SLC9A5: variants seen among roughly 807,000 people sequenced by gnomAD.
The protein encoded by SLC9A5 is solute carrier family 9 member A5.
A neutral mutation model predicts 91.7 loss-of-function variants in SLC9A5; 52 were observed. The observed-to-expected ratio is 0.57, with a 90% CI of 0.45 to 0.71. The LOEUF is 0.71. SLC9A5 is among the 30% of genes least tolerant of loss of function. SLC9A5 has a pLI of 0.00. For missense variants in SLC9A5, 871 were observed against 1,158.9 expected (o/e 0.75, Z 3.61); for synonymous variants, 419 against 474.5 (o/e 0.88, Z 1.52).
rs1489715690 is a variant in SLC9A5 at position 67,270,612 on chromosome 16, A to G, written c.2219-126A>G. 1.5e-6 allele frequency: 1 copy of G among 670,546 alleles called. No individual in the cohort carries two copies. Among genetic ancestry groups the G allele is most frequent in the African/African-American group, 1.8e-5 (1 of 55,100 alleles). 41.5% of individuals were successfully genotyped at this position (670,546 alleles called of 1,614,324 possible). A position where few individuals can be genotyped will look rare whatever the true frequency, so the allele number is the denominator to read the frequency against. On this transcript the variant is annotated intron_variant, in intron 15 of 15. Coordinates refer to ENST00000299798, the MANE Select transcript of SLC9A5 (RefSeq NM_004594.3). This position sits in a 1 kb window ranked among gnomAD's most constrained non-coding sequence, Gnocchi z 4.3. ...AGCTGTGGTACTTCGCCTCAGCAAGACATTCATCCGATAATCGCAAAAATG... is the reference window on the plus strand; with the variant it reads ...AGCTGTGGTACTTCGCCTCAGCAAGGCATTCATCCGATAATCGCAAAAATG...
intron 13 of SLC9A5, 69 bp from the exon 14 acceptor site, chr16:67,264,971 C>T: frequency 6.6e-7 from 1 of 1,513,554 alleles, no homozygotes; most frequent in Non-Finnish European, 9.2e-7. Context: ...TCCTGTTGAC[C>T]CCACCAGATG....
rs1061356 is a variant in SLC9A5 at position 67,271,012 on chromosome 16, A to G, written c.2493A>G (p.Leu831=). ...GTEEPQVPLH[L]PSDPRSSFAF... is the part of the protein sequence containing the mutation. ...AAGAGCCCCAGGTCCCTCTCCACCT[A>G]CCTTCTGATCCACGCTCTAGCTTCG... The change falls in exon 16 of 16, where the codon CTA becomes CTG. Residue 831 remains leucine, a synonymous_variant. Coordinates refer to ENST00000299798, the MANE Select transcript of SLC9A5 (RefSeq NM_004594.3). 0.052 allele frequency: 83,129 copies of G among 1,613,382 alleles called. 6,430 individuals are homozygous for G. The highest frequency in any genetic ancestry group is 0.36 in the African/African-American group (27,041 of 74,858).
At chr16:67,266,459 C>T (rs2035707684) in intron 15 of SLC9A5, among the ~76,000 whole-genome samples, 1 of 152,182 alleles carries the variant, frequency 6.6e-6, no homozygotes, top group East Asian at 1.9e-4. Context: ...GTGACTTGTC[C>T]AGCATCACAT....
At chr16:67,266,987 A>C (rs2035733741) in intron 15 of SLC9A5, among the ~76,000 whole-genome samples, 2 of 142,424 alleles carry the variant, frequency 1.4e-5, no homozygotes, top group African/African-American at 5.3e-5. Flanking sequence ...ATCATGGCTC[A>C]CTGCAGCCTT....
At chr16:67,268,659 T>A (rs1417401628) in intron 15 of SLC9A5, among the ~76,000 whole-genome samples, 2 of 6,870 alleles carry the variant, frequency 2.9e-4, no homozygotes, top group African/African-American at 1.4e-3. Flanking sequence ...TTTCCCTGAT[T>A]ATATATATAT....
chr16:67,255,995 A>G lies in SLC9A5; in HGVS notation c.911+65A>G. 2 of 1,538,370 alleles carry G rather than the reference A, an allele frequency of 1.3e-6. No individual in the cohort carries two copies. The highest frequency in any genetic ancestry group is 2.3e-5 in the East Asian group (1 of 43,850). ...GGCACTGGAGATGGTTGCCCCTCAT[A>G]GGGACACAGGCAGGAACTTCAGGAG... is the stretch of plus-strand genomic sequence containing the variant. On this transcript the variant is annotated intron_variant, in intron 5 of 15. Coordinates refer to ENST00000299798, the MANE Select transcript of SLC9A5 (RefSeq NM_004594.3). The surrounding 1 kb of genome is among the most constrained non-coding windows in gnomAD (Gnocchi z 4.9).
chr16:67,255,767 G>A lies in SLC9A5; in HGVS notation c.748G>A (p.Val250Ile). Residue 250 changes from valine to isoleucine, a missense_variant, in exon 5 of 16, where the codon GTC becomes ATC. By Grantham distance (29) the Val-to-Ile change is conservative. Around this residue, in one of 3 missense-constraint regions of SLC9A5, gnomAD observed 454 missense variants for 718.3 expected, o/e 0.63. Transcript: ENST00000299798. The surrounding 1 kb of genome is among the most constrained non-coding windows in gnomAD (Gnocchi z 4.9). ...TCCTCCCCCAGCCTCCCTGTTTGTG[G>A]TCAGTCTGGGCGGGGCAGCCGTGGG... is the stretch of plus-strand genomic sequence containing the variant. ...YLKGVASLFV[V>I]SLGGAAVGLV... The A allele has an allele frequency of 3.8e-6, 6 of 1,577,854 alleles. No individual in the cohort carries two copies. The highest frequency in any genetic ancestry group is 5.2e-6 in the Non-Finnish European group (6 of 1,160,590).
chr16:67,268,658 TTATATATATATA>T (rs60054219), intron 15 of SLC9A5, among the ~76,000 whole-genome samples: 794 of 42,246 alleles, frequency 0.019, 42 homozygotes, highest in East Asian at 0.17. Flanking sequence ...ATTTCCCTGA[TTATATATATATA>T]TATATATATA....
rs1366301949 is a variant in SLC9A5 at position 67,270,766 on chromosome 16, A to G, written c.2247A>G (p.Arg749=). ...SGSLEVCPSP[R]IIPPSPTCAE... ...GCCTTGAGGTGTGCCCAAGCCCACG[A>G]ATCATTCCCCCCTCCCCAACCTGTG... Residue 749 remains arginine, a synonymous_variant, in exon 16 of 16, where the codon CGA becomes CGG. Transcript: ENST00000299798. This position sits in a 1 kb window ranked among gnomAD's most constrained non-coding sequence, Gnocchi z 4.3. 1 of 1,612,106 alleles carries G rather than the reference A, an allele frequency of 6.2e-7. No homozygotes were observed. The highest frequency in any genetic ancestry group is 1.1e-5 in the South Asian group (1 of 90,860).
chr16:67,256,030 T>C lies in SLC9A5; in HGVS notation c.911+100T>C. 7.7e-7 allele frequency: 1 copy of C among 1,303,762 alleles called. No homozygotes were observed. The highest frequency in any genetic ancestry group is 1.1e-6 in the Non-Finnish European group (1 of 946,762). 80.8% of individuals were successfully genotyped at this position (1,303,762 alleles called of 1,614,324 possible). On this transcript the variant is annotated intron_variant, in intron 5 of 15. Coordinates refer to ENST00000299798, the MANE Select transcript of SLC9A5 (RefSeq NM_004594.3). The surrounding 1 kb of genome is among the most constrained non-coding windows in gnomAD (Gnocchi z 4.1). The stretch of plus-strand genomic sequence containing the variant: ...GCAGGAACTTCAGGAGTCCATAGGT[T>C]TCCCTGAGCCCTTGTGGTAGTGGGA...
Position 67,259,678 on chromosome 16 carries a change from C to G in SLC9A5, c.1715+17C>G. The G allele has an allele frequency of 6.2e-7, 1 of 1,611,352 alleles. No individual in the cohort carries two copies. Among genetic ancestry groups the G allele is most frequent in the Non-Finnish European group, 8.5e-7 (1 of 1,177,494 alleles). On this transcript the variant is annotated intron_variant, in intron 11 of 15. Coordinates refer to ENST00000299798, the MANE Select transcript of SLC9A5 (RefSeq NM_004594.3). ...CAACCTGCTGTGAGTCCTTGAGCCC[C>G]TTCCCCTTCCTCATACTCCTCTCCA...
Position 67,256,515 on chromosome 16 carries a change from A to G in SLC9A5, c.958A>G (p.Ile320Val), listed in dbSNP as rs767056170. 3.1e-6 allele frequency: 5 copies of G among 1,613,558 alleles called. No homozygotes were observed. The South Asian group carries it at 5.5e-5, about 18-fold the overall frequency. ...LGCKKYVEAN[I>V]SHKSRTTVKY... Reference sequence around the variant, plus strand: ...CTGTAAGAAGTACGTGGAGGCCAACATCTCCCATAAGTCACGCACAACTGT... The same window carrying G: ...CTGTAAGAAGTACGTGGAGGCCAACGTCTCCCATAAGTCACGCACAACTGT... Residue 320 changes from isoleucine to valine, a missense_variant, in exon 6 of 16, where the codon ATC becomes GTC. Ile to Val is a conservative substitution (Grantham distance 29). Around this residue, in one of 3 missense-constraint regions of SLC9A5, gnomAD observed 454 missense variants for 718.3 expected, o/e 0.63. Coordinates refer to ENST00000299798, the MANE Select transcript of SLC9A5 (RefSeq NM_004594.3). The surrounding 1 kb of genome is among the most constrained non-coding windows in gnomAD (Gnocchi z 4.1).
chr16:67,252,505 A>G lies in SLC9A5; in HGVS notation c.188-37A>G, dbSNP rs762260919. ...AGGCCTGTGTGTGGGAGGATATTCC[A>G]TAAACTGATCCATCCTGCACTCTTT... On this transcript the variant is annotated intron_variant, in intron 1 of 15. Transcript: ENST00000299798. This position sits in a 1 kb window ranked among gnomAD's most constrained non-coding sequence, Gnocchi z 4.0. The G allele has an allele frequency of 6.4e-7, 1 of 1,568,872 alleles. No homozygotes were observed. The highest frequency in any genetic ancestry group is 8.7e-7 in the Non-Finnish European group (1 of 1,153,552).
intron 10 of SLC9A5, among the ~76,000 whole-genome samples, chr16:67,259,133 C>T (rs1038012190): frequency 7.9e-5 from 12 of 151,884 alleles, no homozygotes; most frequent in Non-Finnish European, 1.8e-4. Context: ...GTGGTGGGCA[C>T]CTGTAGACCC....
rs1004930632 is a variant in SLC9A5, at chr16:67,258,525, C to T, written c.1626+78C>T. 5.8e-6 allele frequency: 9 copies of T among 1,547,654 alleles called. No homozygotes were observed. Among genetic ancestry groups the T allele is most frequent in the Non-Finnish European group, 5.3e-6 (6 of 1,123,660 alleles). On this transcript the variant is annotated intron_variant, in intron 10 of 15. Coordinates refer to ENST00000299798, the MANE Select transcript of SLC9A5 (RefSeq NM_004594.3). The surrounding 1 kb of genome is among the most constrained non-coding windows in gnomAD (Gnocchi z 4.5). ...GAGCAGGACAGAAAGGGGTGGCAAG[C>T]AGGCTGGCCCTGAGCAGGGAGTTGG...
intron 12 of SLC9A5, 129 bp downstream of exon 12, chr16:67,260,075 G>A: frequency 2.3e-6 from 3 of 1,298,480 alleles, no homozygotes; most frequent in Non-Finnish European, 3.1e-6. Flanking sequence ...TCAGCCGGGT[G>A]CGATGGCTCA....
intron 12 of SLC9A5, chr16:67,262,020 T>G (rs1352768579): frequency 3.1e-6 from 1 of 321,078 alleles, no homozygotes; most frequent in African/African-American, 2.2e-5. Flanking sequence ...ATGTGTAGTC[T>G]GTTTTTTAAA....
In SLC9A5 at chr16:67,256,540, T is replaced by C. The variant is rs755852418; in HGVS notation, c.983T>C (p.Val328Ala). Residue 328 changes from valine (V) to alanine (A), a missense_variant, in exon 6 of 16, where the codon GTC becomes GCC. Physicochemically the swap from Val to Ala is moderately conservative, Grantham distance 64. Around this residue, in one of 3 missense-constraint regions of SLC9A5, gnomAD observed 454 missense variants for 718.3 expected, o/e 0.63. Coordinates refer to ENST00000299798, the MANE Select transcript of SLC9A5 (RefSeq NM_004594.3). The surrounding 1 kb of genome is among the most constrained non-coding windows in gnomAD (Gnocchi z 4.1). ...ANISHKSRTT[V>A]KYTMKTLASC... The stretch of plus-strand genomic sequence containing the variant: ...ATCTCCCATAAGTCACGCACAACTG[T>C]CAAATATACAATGAAGACTCTAGCC... The C allele has an allele frequency of 5.5e-5, 88 of 1,613,834 alleles. No homozygotes were observed. The highest frequency in any genetic ancestry group is 7.6e-6 in the Non-Finnish European group (9 of 1,179,970).
intron 15 of SLC9A5, among the ~76,000 whole-genome samples, chr16:67,267,557 G>T (rs1290614217): frequency 6.6e-6 from 1 of 152,138 alleles, no homozygotes; most frequent in Non-Finnish European, 1.5e-5. Flanking sequence ...TCCCTTTGTA[G>T]TCTAGTGAGG....
Sources: allele counts gnomAD v4.1 joint callset (sites outside exome capture counted in the v4.1 genomes callset), GRCh38; gene constraint gnomAD v4.1.1; regional missense constraint gnomAD v4.1.1; non-coding constraint Gnocchi (gnomAD v3.1); transcripts MANE v1.5; gene names NCBI Gene and HGNC (gene_info 2026-07-23, HGNC 2026-07-21).